The following MIDEAS variants were observed in gnomAD, a reference collection of about 807,000 sequenced individuals.
The protein encoded by MIDEAS is mitotic deacetylase associated SANT domain protein.
Under a neutral mutation model 102.7 loss-of-function variants are expected in MIDEAS, and 26 were observed. The observed-to-expected ratio is 0.25, with a 90% CI of 0.19 to 0.35. The LOEUF is 0.35. MIDEAS is among the 10% of genes least tolerant of loss of function. The pLI is 1.00. For synonymous variants in MIDEAS, 585 were observed against 591.0 expected (o/e 0.99, Z 0.15); for missense variants, 1,231 against 1,435.6 (o/e 0.86, Z 2.30).
intron 1 of MIDEAS, among the ~76,000 whole-genome samples, chr14:73,758,558 C>G (rs892162025): frequency 2.0e-5 from 3 of 152,236 alleles, no homozygotes. Context: ...CCTGCATACG[C>G]GGGCCACCGG....
intron 1 of MIDEAS, among the ~76,000 whole-genome samples, chr14:73,765,370 G>A (rs1306494309): frequency 2.0e-5 from 3 of 152,318 alleles, no homozygotes; most frequent in South Asian, 2.1e-4. Flanking sequence ...GACCTTCAGC[G>A]AGTTACTCAA....
In MIDEAS at chr14:73,739,468, G is replaced by A. The variant is rs1369737194; in HGVS notation, c.541C>T (p.Pro181Ser). 2 of 1,605,052 alleles carry A rather than the reference G, an allele frequency of 1.2e-6. No homozygotes were observed. Among genetic ancestry groups the A allele is most frequent in the Non-Finnish European group, 1.7e-6 (2 of 1,175,116 alleles). ...AGCTGCACCTTCTGTGGCATCATTG[G>A]TCGCACATAGCGGTCCAGCTGTGGG... ...GGPQLDRYVR[P>S]MMPQKVQLEV... The change falls in exon 2 of 13, where the codon CCA (proline) becomes TCA (serine). Residue 181 changes from proline to serine, a missense_variant. By Grantham distance (74) the Pro-to-Ser change is moderately conservative (BLOSUM62 -1). This residue lies in a region of MIDEAS where 758 missense variants were observed against 856.0 expected (regional missense o/e 0.89). Transcript: ENST00000423556.
intron 9 of MIDEAS, chr14:73,723,915 C>A (rs976143965): frequency 6.6e-6 from 1 of 152,146 alleles, no homozygotes; most frequent in Admixed American, 6.5e-5. Flanking sequence ...TCACAGTGTC[C>A]CCTGTCGGGG....
chr14:73,769,899 T>G (rs562694963), intron 1 of MIDEAS, among the ~76,000 whole-genome samples: 52 of 134,152 alleles, frequency 3.9e-4, no homozygotes, highest in African/African-American at 1.4e-3. Flanking sequence ...CGTGCCCGGC[T>G]GGGTTTTTTT....
At chr14:73,726,190 C>T (rs1048766182) in intron 7 of MIDEAS, 82 bp from the exon 8 acceptor site, 1 of 1,144,114 alleles carries the variant, frequency 8.7e-7, no homozygotes, top group Admixed American at 2.0e-5. Flanking sequence ...TGATAAAATC[C>T]CGAGTAGGGT....
chr14:73,754,372 G>A (rs767821867), intron 1 of MIDEAS, among the ~76,000 whole-genome samples: 9 of 152,144 alleles, frequency 5.9e-5, no homozygotes, highest in South Asian at 4.1e-4. Flanking sequence ...ACTCACTCAC[G>A]CACATGCAAA....
At chr14:73,733,206 T>C (rs1322710815) in intron 3 of MIDEAS, among the ~76,000 whole-genome samples, 1 of 152,248 alleles carries the variant, frequency 6.6e-6, no homozygotes, top group African/African-American at 2.4e-5. Flanking sequence ...ATACTCACTT[T>C]CATTCAGAAT....
At chr14:73,766,913 C>T (rs915966363) in intron 1 of MIDEAS, among the ~76,000 whole-genome samples, 23 of 139,090 alleles carry the variant, frequency 1.7e-4, no homozygotes, top group African/African-American at 5.9e-4. Context: ...TGGAGTGCAG[C>T]GTCATGATCT....
intron 1 of MIDEAS, among the ~76,000 whole-genome samples, chr14:73,757,479 A>C (rs991969479): frequency 1.3e-5 from 2 of 152,280 alleles, no homozygotes; most frequent in African/African-American, 4.8e-5. Flanking sequence ...ACCACACTGC[A>C]GTATGTACAC....
upstream of MIDEAS, among the ~76,000 whole-genome samples, chr14:73,763,204 G>A (rs1040997572): frequency 1.5e-4 from 23 of 152,132 alleles, no homozygotes; most frequent in Admixed American, 5.9e-4. Context: ...CAGGTGTGGT[G>A]GCACATGCCT....
intron 1 of MIDEAS, among the ~76,000 whole-genome samples, chr14:73,753,776 G>A (rs912783394): frequency 1.3e-5 from 2 of 152,152 alleles, no homozygotes; most frequent in African/African-American, 4.8e-5. Flanking sequence ...TACAGACCCA[G>A]GAGAGAGAGG....
intron 1 of MIDEAS, among the ~76,000 whole-genome samples, chr14:73,741,837 T>G (rs898267702): frequency 6.6e-6 from 1 of 152,164 alleles, no homozygotes; most frequent in Admixed American, 6.5e-5. Flanking sequence ...ACCCTCCTCG[T>G]GTGCAGCCTT....
At chr14:73,744,179 C>T (rs1185300512) in intron 1 of MIDEAS, among the ~76,000 whole-genome samples, 1 of 152,144 alleles carries the variant, frequency 6.6e-6, no homozygotes, top group Admixed American at 6.5e-5. Context: ...GATGTCAGCT[C>T]AAACACACAC....
intron 1 of MIDEAS, among the ~76,000 whole-genome samples, chr14:73,780,013 C>T (rs1381721322): frequency 6.6e-6 from 1 of 150,944 alleles, no homozygotes; most frequent in Admixed American, 6.6e-5. Context: ...GCTGGGACTA[C>T]AGGTGCCTGC....
intron 1 of MIDEAS, among the ~76,000 whole-genome samples, chr14:73,779,247 T>C (rs1320120636): frequency 1.3e-5 from 2 of 151,204 alleles, no homozygotes; most frequent in African/African-American, 4.9e-5. Context: ...ATTAAAAAAT[T>C]AGCCGGGTGT....
chr14:73,754,607 T>C (rs2140146583), intron 1 of MIDEAS, among the ~76,000 whole-genome samples: 1 of 152,326 alleles, frequency 6.6e-6, no homozygotes, highest in Admixed American at 6.5e-5. Flanking sequence ...GCTTCCCCAT[T>C]TGAAAATGAA....
rs777234710 is a variant in MIDEAS at position 73,725,404 on chromosome 14, C to T, written c.2486-44G>A. ...GCCAGGGAGTGAGGTGGGCAGGGCC[C>T]TGGCCACTGCAGGGCAATTTTGACA... On this transcript the variant is annotated intron_variant, in intron 8 of 12. Transcript: ENST00000423556. The surrounding 1 kb of genome is among the most constrained non-coding windows in gnomAD (Gnocchi z 4.1). 3.4e-5 allele frequency: 52 copies of T among 1,540,430 alleles called. No individual in the cohort carries two copies. Among genetic ancestry groups the T allele is most frequent in the Non-Finnish European group, 4.6e-5 (51 of 1,113,878 alleles).
chr14:73,779,320 G>A (rs551786819), intron 1 of MIDEAS, among the ~76,000 whole-genome samples: 77 of 150,144 alleles, frequency 5.1e-4, no homozygotes, highest in African/African-American at 1.8e-3. Flanking sequence ...ACTTGAACCC[G>A]GGAGACGGAG....
At chr14:73,786,214 T>C (rs2053807064) in intron 1 of MIDEAS, among the ~76,000 whole-genome samples, 1 of 152,124 alleles carries the variant, frequency 6.6e-6, no homozygotes, top group African/African-American at 2.4e-5. Context: ...CGCCAGCCCC[T>C]AGTTACTCTG....
Sources: gnomAD v4.1 joint callset for allele counts (sites outside exome capture counted in the v4.1 genomes callset) on GRCh38, gnomAD v4.1.1 for gene constraint, gnomAD v4.1.1 regional missense constraint, Gnocchi (gnomAD v3.1) non-coding constraint, MANE v1.5 for transcripts, NCBI Gene and HGNC (gene_info 2026-07-23, HGNC 2026-07-21) for gene names.